Variants in IGF2R observed in about 807,000 individuals in gnomAD.
IGF2R encodes the protein insulin like growth factor 2 receptor.
IGF2R carries 91 observed loss-of-function variants against 270.6 expected under a neutral mutation model. The ratio of observed to expected loss-of-function variants is 0.34; its 90% CI spans 0.28 to 0.40. IGF2R has a LOEUF of 0.40. Among genes scored for constraint, IGF2R ranks in the 10% least tolerant of loss-of-function variants. IGF2R has a pLI of 1.00. For missense variants in IGF2R, 2,805 were observed against 3,188.3 expected (o/e 0.88, Z 2.90); for synonymous variants, 1,316 against 1,258.9 (o/e 1.05, Z -0.96).
intron 31 of IGF2R, 97 bp downstream of exon 31, chr6:160,070,155 C>A: frequency 8.4e-7 from 1 of 1,195,536 alleles, no homozygotes; most frequent in Non-Finnish European, 1.2e-6. Context: ...CCTTGGGATG[C>A]GAGTTCTAGA....
rs545166334 is a variant in IGF2R, at chr6:159,998,597, G to C, written c.289+7274G>C. On this transcript the variant is annotated intron_variant, in intron 2 of 47. Transcript: ENST00000356956. The surrounding 1 kb of genome is among the most constrained non-coding windows in gnomAD (Gnocchi z 4.1). ...TAAAAAGTAACTTACAGGTTAAGAT[G>C]ATGATGATACTATTATAAACCAGCA... Among the ~76,000 whole-genome samples, 2 of 152,294 alleles carry C rather than the reference G, an allele frequency of 1.3e-5. No homozygotes were observed. Among genetic ancestry groups the C allele is most frequent in the African/African-American group, 4.8e-5 (2 of 41,564 alleles).
In IGF2R at chr6:160,096,736, C is replaced by T. The variant is rs138214132; in HGVS notation, c.6842+111C>T. On this transcript the variant is annotated intron_variant, in intron 45 of 47. Transcript: ENST00000356956. ...TCTTGTGAAATATTCAGAACATGCACCAAAAAATAGAGAAAATGATAGAAG... is the reference window on the plus strand; with the variant it reads ...TCTTGTGAAATATTCAGAACATGCATCAAAAAATAGAGAAAATGATAGAAG... The T allele has an allele frequency of 2.3e-3, 2,081 of 899,734 alleles. 6 individuals carry two copies. Among genetic ancestry groups the T allele is most frequent in the Middle Eastern group, 7.7e-3 (34 of 4,412 alleles). The allele number at this position is 899,734 out of a possible 1,614,324, so 55.7% of individuals were successfully genotyped here.
Position 160,070,047 on chromosome 6 carries a change from G to A in IGF2R, c.4432G>A (p.Glu1478Lys), listed in dbSNP as rs371705752. 4.3e-6 allele frequency: 7 copies of A among 1,614,150 alleles called. No individual in the cohort carries two copies. The highest frequency in any genetic ancestry group is 3.3e-5 in the Admixed American group (2 of 60,030). Residue 1478 changes from glutamate (E) to lysine (K), a missense_variant, in exon 31 of 48, where the codon GAG becomes AAG. By Grantham distance (56) the Glu-to-Lys change is moderately conservative. Around this residue, in one of 2 missense-constraint regions of IGF2R, gnomAD observed 1,851 missense variants for 2,207.2 expected, o/e 0.84. Transcript: ENST00000356956. ...KSTTIRFTCS[E>K]SQVNSRPMFI... ...AACCACCATCCGATTCACCTGCAGC[G>A]AGAGCCAAGTGGTAAGGGACTGTTC...
At chr6:160,071,284 TGGGG>T (rs1554247011) in intron 31 of IGF2R, among the ~76,000 whole-genome samples, 1 of 87,326 alleles carries the variant, frequency 1.1e-5, no homozygotes, top group African/African-American at 4.3e-5. Flanking sequence ...GAGGGAAGGG[TGGGG>T]GTGTGTCGAG....
intron 1 of IGF2R, 145 bp downstream of exon 1, chr6:159,969,540 G>A: frequency 1.6e-6 from 1 of 631,946 alleles, no homozygotes; most frequent in Non-Finnish European, 2.2e-6. Flanking sequence ...CCGAGGGAAA[G>A]TTGCCTGCGT....
chr6:160,023,864 G>T (rs1354090452), intron 4 of IGF2R, among the ~76,000 whole-genome samples: 1 of 152,182 alleles, frequency 6.6e-6, no homozygotes, highest in Non-Finnish European at 1.5e-5. Context: ...GTAAGCTGTG[G>T]CACACCTCTG....
intron 13 of IGF2R, 116 bp downstream of exon 13, chr6:160,044,773 T>C (rs1035103987): frequency 1.2e-6 from 1 of 833,086 alleles, no homozygotes; most frequent in Admixed American, 3.1e-5. Flanking sequence ...TGGCATGGTG[T>C]TCAGCATTTT....
chr6:159,980,220 A>AG (rs1783769901), intron 1 of IGF2R, among the ~76,000 whole-genome samples: 1 of 135,722 alleles, frequency 7.4e-6, no homozygotes, highest in Non-Finnish European at 1.6e-5. Flanking sequence ...AGAAAGAAAG[A>AG]AAGAAAGAAA....
At chr6:160,065,810 G>A (rs1376567269) in intron 29 of IGF2R, among the ~76,000 whole-genome samples, 185 of 72,784 alleles carry the variant, frequency 2.5e-3, no homozygotes, top group African/African-American at 4.4e-3. Context: ...GTGTGTGTGT[G>A]TGTGTATATA....
At chr6:160,020,380 C>A (rs185752022) in intron 4 of IGF2R, among the ~76,000 whole-genome samples, 23 of 152,256 alleles carry the variant, frequency 1.5e-4, no homozygotes, top group African/African-American at 5.5e-4. Context: ...TTGCCCGAAA[C>A]AATCCACAGA....
intron 45 of IGF2R, among the ~76,000 whole-genome samples, chr6:160,099,019 T>G (rs1195603018): frequency 6.6e-6 from 1 of 152,220 alleles, no homozygotes; most frequent in Non-Finnish European, 1.5e-5. Flanking sequence ...ACAAAAATGG[T>G]TCTTTCACAA....
At chr6:160,012,745 T>TTTTATATATATA (rs1300346010) in intron 4 of IGF2R, among the ~76,000 whole-genome samples, 5 of 105,334 alleles carry the variant, frequency 4.7e-5, no homozygotes, top group East Asian at 1.1e-3. Flanking sequence ...CCCGGCTAAT[T>TTTTATATATATA]TATATATATA....
chr6:160,102,986 C>A lies in IGF2R; in HGVS notation c.6995+315C>A, dbSNP rs1384496243. 6.6e-6 allele frequency among the ~76,000 whole-genome samples: 1 copy of A among 152,188 alleles called. No homozygotes were observed. The highest frequency in any genetic ancestry group is 2.4e-5 in the African/African-American group (1 of 41,440). ...ATGGGTGCCTTTTCCCACTGAGCAGCTGACCCCTCTGCCCTCCTCACATCA... is the reference window on the plus strand; with the variant it reads ...ATGGGTGCCTTTTCCCACTGAGCAGATGACCCCTCTGCCCTCCTCACATCA... On this transcript the variant is annotated intron_variant, in intron 46 of 47. Coordinates refer to ENST00000356956, the MANE Select transcript of IGF2R (RefSeq NM_000876.4). This position sits in a 1 kb window ranked among gnomAD's most constrained non-coding sequence, Gnocchi z 4.5.
Position 160,024,658 on chromosome 6 carries a change from C to T in IGF2R, c.600C>T (p.Asp200=). The change falls in exon 5 of 48, where the codon GAC becomes GAT. Residue 200 remains aspartate (D), a synonymous_variant. Coordinates refer to ENST00000356956, the MANE Select transcript of IGF2R (RefSeq NM_000876.4). ...IKLSGAYLVD[D]SDPDTSLFIN... ...TTAGTGGTGCCTACTTGGTGGATGA[C>T]TCCGATCCGGACACTTCTCTATTCA... is the stretch of plus-strand genomic sequence containing the variant. 1 of 1,614,130 alleles carries T rather than the reference C, an allele frequency of 6.2e-7. No individual in the cohort carries two copies. The highest frequency in any genetic ancestry group is 8.5e-7 in the Non-Finnish European group (1 of 1,179,996).
At chr6:160,021,523 A>G (rs1299921794) in intron 4 of IGF2R, among the ~76,000 whole-genome samples, 1 of 151,600 alleles carries the variant, frequency 6.6e-6, no homozygotes, top group Non-Finnish European at 1.5e-5. Flanking sequence ...CAGCACACCA[A>G]CATGGCACAT....
chr6:160,059,243 G>C, intron 22 of IGF2R, 145 bp downstream of exon 22: 1 of 643,742 alleles, frequency 1.6e-6, no homozygotes, highest in Non-Finnish European at 2.6e-6. Flanking sequence ...CCATCACGGT[G>C]GTCTTCCTGC....
intron 2 of IGF2R, among the ~76,000 whole-genome samples, chr6:160,008,324 T>G (rs959637404): frequency 9.9e-5 from 15 of 151,960 alleles, no homozygotes; most frequent in African/African-American, 2.9e-4. Flanking sequence ...TTCCCTGACC[T>G]ATTACTTCTG....
intron 11 of IGF2R, among the ~76,000 whole-genome samples, chr6:160,041,720 C>T (rs1224966569): frequency 6.6e-6 from 1 of 152,210 alleles, no homozygotes; most frequent in Admixed American, 6.5e-5. Context: ...TGAGAACCTG[C>T]CTCACTGTGA....
In IGF2R at chr6:160,061,343, T is replaced by G. The variant is rs8191841; in HGVS notation, c.3263-160T>G. ...AGTTTTGAGGGACAGAGTGGGTGTG[T>G]TTTGTAGGCAAAGCCTCTCAGCCTC... On this transcript the variant is annotated intron_variant, in intron 23 of 47. Coordinates refer to ENST00000356956, the MANE Select transcript of IGF2R (RefSeq NM_000876.4). Among the ~76,000 whole-genome samples, 540 of 152,242 alleles carry G rather than the reference T, an allele frequency of 3.5e-3. 5 individuals are homozygous for G. The highest frequency in any genetic ancestry group is 0.012 in the African/African-American group (514 of 41,546).
Sources: gnomAD v4.1 joint callset for allele counts (sites outside exome capture counted in the v4.1 genomes callset) on GRCh38, gnomAD v4.1.1 for gene constraint, gnomAD v4.1.1 regional missense constraint, Gnocchi (gnomAD v3.1) non-coding constraint, MANE v1.5 for transcripts, NCBI Gene and HGNC (gene_info 2026-07-23, HGNC 2026-07-21) for gene names.